The following FNDC8 variants were observed in gnomAD, a reference collection of about 807,000 sequenced individuals.
FNDC8 encodes the protein fibronectin type III domain-containing protein 8.
A neutral mutation model predicts 24.8 loss-of-function variants in FNDC8; 23 were observed. The ratio of observed to expected loss-of-function variants is 0.93; its 90% CI spans 0.67 to 1.31. FNDC8 has a LOEUF of 1.31. Among genes scored for constraint, FNDC8 ranks in the 40% most tolerant of loss-of-function variants. The pLI, the probability that FNDC8 is intolerant of heterozygous loss-of-function variation, is 0.00. For missense variants in FNDC8, 371 were observed against 398.2 expected, an observed-to-expected ratio of 0.93 and a Z score of 0.58; for synonymous variants, 158 against 165.3, an observed-to-expected ratio of 0.96 and a Z score of 0.34.
chr17:35,126,307 AG>A (rs1210980913), intron 1 of FNDC8, among the ~76,000 whole-genome samples: 3 of 152,220 alleles, frequency 2.0e-5, no homozygotes, highest in Non-Finnish European at 4.4e-5. Flanking sequence ...AGTAAATATT[AG>A]TAATTCCATT....
At chr17:35,128,211 C>T (rs962193794) in intron 2 of FNDC8, among the ~76,000 whole-genome samples, 2 of 152,236 alleles carry the variant, frequency 1.3e-5, no homozygotes, top group African/African-American at 2.4e-5. Flanking sequence ...TGGCCCAGAG[C>T]AGTGTTTCTC....
chr17:35,124,466 G>A (rs1204560789), intron 1 of FNDC8, among the ~76,000 whole-genome samples: 2 of 152,122 alleles, frequency 1.3e-5, no homozygotes, highest in African/African-American at 2.4e-5. Context: ...GGCGGAGGTT[G>A]CAGTGAGCTG....
chr17:35,121,849 A>G lies in FNDC8; in HGVS notation c.156A>G (p.Leu52=), dbSNP rs2091826283. 6.2e-7 allele frequency: 1 copy of G among 1,613,844 alleles called. No individual in the cohort carries two copies. The highest frequency in any genetic ancestry group is 2.2e-5 in the East Asian group (1 of 44,864). The change falls in exon 1 of 4, where the codon CTA becomes CTG. Residue 52 remains leucine (L), a synonymous_variant. Transcript: ENST00000158009. ...NRTVTTKGLP[L]ASKGNLVNFL... ...CCGTCACTACCAAAGGACTCCCACTAGCCTCAAAGGGCAATTTGGTCAACT... is the reference window on the plus strand; with the variant it reads ...CCGTCACTACCAAAGGACTCCCACTGGCCTCAAAGGGCAATTTGGTCAACT...
intron 1 of FNDC8, among the ~76,000 whole-genome samples, chr17:35,123,251 A>C (rs1447768456): frequency 6.6e-6 from 1 of 152,184 alleles, no homozygotes; most frequent in Non-Finnish European, 1.5e-5. Context: ...TGGGCTCCAC[A>C]GACTACATAG....
intron 1 of FNDC8, among the ~76,000 whole-genome samples, chr17:35,126,497 C>CTT (rs71147459): frequency 1.9e-3 from 211 of 111,878 alleles, no homozygotes; most frequent in Non-Finnish European, 3.0e-3. Flanking sequence ...ATTTTCTAAG[C>CTT]TTTTTTTTTT....
intron 1 of FNDC8, among the ~76,000 whole-genome samples, chr17:35,124,774 G>A (rs903319253): frequency 1.3e-5 from 2 of 152,110 alleles, no homozygotes; most frequent in Non-Finnish European, 2.9e-5. Flanking sequence ...TTGGCTGGGG[G>A]CAGTGGCTCA....
rs762380254 is a variant in FNDC8 at position 35,127,123 on chromosome 17, C to T, written c.291C>T (p.Pro97=). Residue 97 remains proline, a synonymous_variant, in exon 2 of 4, where the codon CCC becomes CCT. Transcript: ENST00000158009. ...ISAFSSTLLN[P]IKLAVTQPNS... ...CCTTCTCATCCACCTTGCTGAACCC[C>T]ATCAAATTAGCTGTGACCCAGCCCA... is the stretch of plus-strand genomic sequence containing the variant. 6.2e-7 allele frequency: 1 copy of T among 1,614,208 alleles called. No homozygotes were observed. The highest frequency in any genetic ancestry group is 1.3e-5 in the African/African-American group (1 of 75,060).
At chr17:35,122,707 C>T (rs937709481) in intron 1 of FNDC8, among the ~76,000 whole-genome samples, 3 of 152,118 alleles carry the variant, frequency 2.0e-5, no homozygotes, top group African/African-American at 7.2e-5. Flanking sequence ...TTTTGCTGTT[C>T]CTCCTCACCA....
At chr17:35,128,306 G>T (rs1426985663) in intron 2 of FNDC8, among the ~76,000 whole-genome samples, 1 of 152,212 alleles carries the variant, frequency 6.6e-6, no homozygotes, top group Non-Finnish European at 1.5e-5. Context: ...CCACATTTGG[G>T]CCTCCTGAGT....
rs2091871372 is a variant in FNDC8 at position 35,130,606 on chromosome 17, T to C, written c.*172T>C. The C allele has an allele frequency of 3.0e-6, 2 of 658,554 alleles. No homozygotes were observed. Among genetic ancestry groups the C allele is most frequent in the Non-Finnish European group, 5.1e-6 (2 of 395,130 alleles). The allele number at this position is 658,554 out of a possible 1,614,324, so 40.8% of individuals were successfully genotyped here. ...GGCCAAGGCTACATAGGGGCCCCAT[T>C]CACCTGGAGGCATCTCAGGCCAGGC... On this transcript the variant is annotated 3_prime_UTR_variant, in exon 4 of 4. Transcript: ENST00000158009.
At chr17:35,123,748 A>C (rs1214061645) in intron 1 of FNDC8, among the ~76,000 whole-genome samples, 1 of 151,326 alleles carries the variant, frequency 6.6e-6, no homozygotes, top group Non-Finnish European at 1.5e-5. Context: ...CCATAAAAAA[A>C]ACAAAACAAA....
chr17:35,122,451 G>A (rs898772212), intron 1 of FNDC8, among the ~76,000 whole-genome samples: 1 of 151,706 alleles, frequency 6.6e-6, no homozygotes, highest in Non-Finnish European at 1.5e-5. Context: ...GTGTGGGCAG[G>A]TTGGATCTAT....
chr17:35,127,825 G>A (rs1002022743), intron 2 of FNDC8, among the ~76,000 whole-genome samples: 10 of 152,184 alleles, frequency 6.6e-5, no homozygotes, highest in African/African-American at 2.4e-4. Context: ...GTGATCTGTA[G>A]GAACATGAAA....
chr17:35,125,688 T>A (rs1302841902), intron 1 of FNDC8, among the ~76,000 whole-genome samples: 1 of 152,214 alleles, frequency 6.6e-6, no homozygotes, highest in African/African-American at 2.4e-5. Flanking sequence ...ATTTAAACTT[T>A]ACTGTACTCA....
intron 1 of FNDC8, among the ~76,000 whole-genome samples, chr17:35,126,478 T>A (rs2091849512): frequency 6.6e-6 from 1 of 151,536 alleles, no homozygotes; most frequent in African/African-American, 2.4e-5. Context: ...GCAGAACACT[T>A]GCATCAGGAT....
chr17:35,122,162 A>G (rs1307308466), intron 1 of FNDC8, among the ~76,000 whole-genome samples: 1 of 21,676 alleles, frequency 4.6e-5, no homozygotes, highest in African/African-American at 2.4e-4. Context: ...ATTTTCATAT[A>G]TATATATATA....
At position 35,127,378 on chromosome 17, in the gene FNDC8, C is replaced by T. The variant is rs2091853679; in HGVS notation, c.546C>T (p.Pro182=). 1.9e-6 allele frequency: 3 copies of T among 1,581,230 alleles called. No homozygotes were observed. Among genetic ancestry groups the T allele is most frequent in the Non-Finnish European group, 2.6e-6 (3 of 1,164,552 alleles). The change falls in exon 2 of 4, where the codon CCC becomes CCT. Residue 182 remains proline, a synonymous_variant. Transcript: ENST00000158009. ...TGGTTGTGGACCTGCCGGACACCCC[C>T]TTCATCTTTGAGCACACCGTCAACA... ...SSVVVDLPDT[P]FIFEHTVNNS...
rs757145314 is a variant in FNDC8, at chr17:35,129,499, G to A, written c.663G>A (p.Gln221=). ...TGTTACAGGAGGTGGCCAAGACACA[G>A]GAGAATGAGTTGCCCGAGGCAAAGA... is the stretch of plus-strand genomic sequence containing the variant. The part of the protein sequence containing the change: ...QLLLQEVAKT[Q]ENELPEAKNR... The change falls in exon 3 of 4, where the codon CAG becomes CAA. Residue 221 remains glutamine, a synonymous_variant. Coordinates refer to ENST00000158009, the MANE Select transcript of FNDC8 (RefSeq NM_017559.4). The A allele has an allele frequency of 1.2e-6, 2 of 1,614,234 alleles. No homozygotes were observed. Among genetic ancestry groups the A allele is most frequent in the East Asian group, 2.2e-5 (1 of 44,884 alleles).
At position 35,122,362 on chromosome 17, in the gene FNDC8, C is replaced by T. The variant is rs904911025; in HGVS notation, c.209+460C>T. Among the ~76,000 whole-genome samples the T allele has an allele frequency of 4.6e-5, 7 of 150,846 alleles. No homozygotes were observed. In the East Asian group the frequency reaches 5.9e-4, roughly 13 times the overall value. On this transcript the variant is annotated intron_variant, in intron 1 of 3. Transcript: ENST00000158009. ...TATAGTTTCTAAGAAAGGCTGGAGC[C>T]GAGGGCTGGGCAGAGAGACAAAGAA...
Sources: allele counts gnomAD v4.1 joint callset (sites outside exome capture counted in the v4.1 genomes callset), GRCh38; gene constraint gnomAD v4.1.1; transcripts MANE v1.5; gene names NCBI Gene and HGNC (gene_info 2026-07-23, HGNC 2026-07-21).